ERC2: variants seen among roughly 807,000 people sequenced by gnomAD.
The protein encoded by ERC2 is ELKS/RAB6-interacting/CAST family member 2.
In ERC2, 42 loss-of-function variants were observed where a neutral mutation model predicts 114.8. The observed-to-expected ratio is 0.37, with a 90% CI of 0.29 to 0.47. The LOEUF (loss-of-function observed/expected upper bound fraction) is 0.47, where lower values mean the gene tolerates loss of function less well. Ranked by LOEUF, ERC2 falls within the 20% of genes least tolerant of loss-of-function variation. The pLI, the probability that ERC2 is intolerant of heterozygous loss-of-function variation, is 0.99. For missense variants in ERC2, 939 were observed against 1,150.7 expected, an observed-to-expected ratio of 0.82 and a Z score of 2.66; for synonymous variants, 454 against 425.5, an observed-to-expected ratio of 1.07 and a Z score of -0.82.
chr3:55,538,290 C>T (rs575427699), intron 17 of ERC2, among the ~76,000 whole-genome samples: 84 of 152,264 alleles, frequency 5.5e-4, no homozygotes, highest in Admixed American at 1.8e-3. Flanking sequence ...GATTTCCAGC[C>T]CTGTCTCTAT....
intron 12 of ERC2, among the ~76,000 whole-genome samples, chr3:55,985,478 T>A (rs2070537116): frequency 6.6e-6 from 1 of 152,232 alleles, no homozygotes; most frequent in Admixed American, 6.5e-5. Flanking sequence ...TTTTCAAAAG[T>A]GACTTTTTAA....
At chr3:55,854,207 G>A (rs1489687225) in intron 14 of ERC2, among the ~76,000 whole-genome samples, 2 of 152,048 alleles carry the variant, frequency 1.3e-5, no homozygotes, top group Non-Finnish European at 1.5e-5. Flanking sequence ...TCCGGGAGGC[G>A]GAGGTTGCAG....
intron 1 of ERC2, among the ~76,000 whole-genome samples, chr3:56,454,418 G>A (rs565497285): frequency 2.2e-4 from 33 of 152,208 alleles, no homozygotes; most frequent in Non-Finnish European, 4.4e-4. Context: ...CCCTTGCAGG[G>A]TGTAGAAGTC....
At chr3:55,919,604 T>G (rs2065297785) in intron 13 of ERC2, among the ~76,000 whole-genome samples, 3 of 152,170 alleles carry the variant, frequency 2.0e-5, no homozygotes, top group African/African-American at 7.2e-5. Flanking sequence ...TCAACGAACA[T>G]GTATTCTAGT....
rs183211220 is a variant in ERC2 at position 56,465,978 on chromosome 3, T to C, written c.-141+2270A>G. Among the ~76,000 whole-genome samples, 11 of 152,380 alleles carry C rather than the reference T, an allele frequency of 7.2e-5. No homozygotes were observed. The East Asian group carries it at 1.7e-3, about 24-fold the overall frequency. ...AGGCCACGGCCAAGGTCATGGGCTC[T>C]GGGTAAGACGAACCCGGGCTCAGGT... is the stretch of plus-strand genomic sequence containing the variant. On this transcript the variant is annotated intron_variant, in intron 1 of 17. Coordinates refer to ENST00000288221, the MANE Select transcript of ERC2 (RefSeq NM_015576.3).
At chr3:56,408,938 G>A (rs1411040140) in intron 2 of ERC2, among the ~76,000 whole-genome samples, 1 of 152,364 alleles carries the variant, frequency 6.6e-6, no homozygotes. Flanking sequence ...AGTTGGGAGT[G>A]GTCAAGACAA....
At chr3:56,223,938 T>C (rs1315239884) in intron 3 of ERC2, among the ~76,000 whole-genome samples, 1 of 152,232 alleles carries the variant, frequency 6.6e-6, no homozygotes, top group Admixed American at 6.5e-5. Flanking sequence ...TTCAAGTGAA[T>C]AATATGTAAA....
intron 3 of ERC2, among the ~76,000 whole-genome samples, chr3:56,209,181 G>A (rs747219332): frequency 6.6e-6 from 1 of 152,028 alleles, no homozygotes; most frequent in Non-Finnish European, 1.5e-5. Context: ...GATCACTGCT[G>A]ATTTCAGTGC....
At chr3:55,827,317 GAAGA>G (rs2060367502) in intron 14 of ERC2, among the ~76,000 whole-genome samples, 1 of 148,888 alleles carries the variant, frequency 6.7e-6, no homozygotes, top group Non-Finnish European at 1.5e-5. Flanking sequence ...AAGAAAGAAA[GAAGA>G]AAGAGAAAAA....
At chr3:55,841,821 G>T (rs1023925829) in intron 14 of ERC2, among the ~76,000 whole-genome samples, 1 of 152,098 alleles carries the variant, frequency 6.6e-6, no homozygotes, top group Non-Finnish European at 1.5e-5. Flanking sequence ...AAGGAAGGCC[G>T]CATAGTGTTG....
intron 14 of ERC2, among the ~76,000 whole-genome samples, chr3:55,818,862 T>C (rs2149146422): frequency 6.6e-6 from 1 of 152,352 alleles, no homozygotes; most frequent in East Asian, 1.9e-4. Flanking sequence ...TTTAATATTT[T>C]CTAATGGAAA....
chr3:56,011,494 G>A (rs1228042631), intron 8 of ERC2, among the ~76,000 whole-genome samples: 1 of 152,072 alleles, frequency 6.6e-6, no homozygotes, highest in Non-Finnish European at 1.5e-5. Context: ...ACATACACCT[G>A]GAGCCATTCA....
intron 14 of ERC2, among the ~76,000 whole-genome samples, chr3:55,760,786 C>CT (rs2067378815): frequency 6.6e-6 from 1 of 152,190 alleles, no homozygotes; most frequent in African/African-American, 2.4e-5. Flanking sequence ...AAATAATATA[C>CT]TTTTTGACAC....
chr3:56,312,372 A>G (rs1459362221), intron 2 of ERC2, among the ~76,000 whole-genome samples: 5 of 152,228 alleles, frequency 3.3e-5, no homozygotes, highest in African/African-American at 1.2e-4. Flanking sequence ...GGGTACAAAC[A>G]TGTAGTTAGA....
intron 14 of ERC2, among the ~76,000 whole-genome samples, chr3:55,745,769 G>A (rs1389460988): frequency 1.2e-4 from 19 of 152,156 alleles, no homozygotes; most frequent in South Asian, 2.1e-4. Context: ...AGAGACTGTC[G>A]TATTGCATTA....
At chr3:56,048,413 T>G (rs910343725) in intron 7 of ERC2, among the ~76,000 whole-genome samples, 1 of 152,200 alleles carries the variant, frequency 6.6e-6, no homozygotes, top group Non-Finnish European at 1.5e-5. Context: ...CAGTGCTTGC[T>G]TTGTTAAAAA....
intron 2 of ERC2, among the ~76,000 whole-genome samples, chr3:56,366,317 C>T (rs780078410): frequency 4.3e-4 from 65 of 152,314 alleles, no homozygotes; most frequent in East Asian, 1.2e-3. Context: ...GCCTCTCTTG[C>T]AATAGCAAAC....
chr3:55,831,235 C>T (rs1383938237), intron 14 of ERC2, among the ~76,000 whole-genome samples: 3 of 149,512 alleles, frequency 2.0e-5, no homozygotes, highest in Middle Eastern at 3.4e-3. Context: ...CTGGTCAAGC[C>T]CAGAAGTGTA....
intron 14 of ERC2, among the ~76,000 whole-genome samples, chr3:55,754,758 C>T (rs1158491703): frequency 1.3e-5 from 2 of 151,660 alleles, no homozygotes; most frequent in Non-Finnish European, 2.9e-5. Context: ...TTAAAGAAGT[C>T]TGAGATTCTT....
Sources: allele counts gnomAD v4.1 joint callset (sites outside exome capture counted in the v4.1 genomes callset), GRCh38; gene constraint gnomAD v4.1.1; transcripts MANE v1.5; gene names NCBI Gene and HGNC (gene_info 2026-07-23, HGNC 2026-07-21).